Variants in STAG1 observed in about 807,000 individuals in gnomAD.
The protein encoded by STAG1 is STAG1 cohesin complex component, also known as cohesin subunit SA-1.
A neutral mutation model predicts 170.9 loss-of-function variants in STAG1; 26 were observed. The ratio of observed to expected loss-of-function variants is 0.15; its 90% CI spans 0.11 to 0.21. The LOEUF is 0.21. STAG1 is among the 10% of genes least tolerant of loss of function. STAG1 has a pLI of 1.00. For missense variants in STAG1, 964 were observed against 1,509.5 expected (o/e 0.64, Z 5.99); for synonymous variants, 514 against 497.7 (o/e 1.03, Z -0.44).
chr3:136,473,102 T>C (rs1270997038), intron 11 of STAG1, among the ~76,000 whole-genome samples: 1 of 152,148 alleles, frequency 6.6e-6, no homozygotes, highest in East Asian at 1.9e-4. Context: ...TGAACCCTAC[T>C]GTGAACTGCG....
intron 1 of STAG1, among the ~76,000 whole-genome samples, chr3:136,713,507 C>T (rs755134820): frequency 3.3e-5 from 5 of 151,066 alleles, no homozygotes; most frequent in Non-Finnish European, 5.9e-5. Context: ...CGCTTGAATC[C>T]GGGAGGTGGA....
intron 22 of STAG1, among the ~76,000 whole-genome samples, chr3:136,397,093 T>C (rs1346720297): frequency 1.3e-5 from 2 of 152,354 alleles, no homozygotes; most frequent in African/African-American, 2.4e-5. Context: ...GCATTACTCA[T>C]CTTTACTGGT....
chr3:136,395,438 C>G (rs1490800915), intron 22 of STAG1, among the ~76,000 whole-genome samples: 1 of 152,018 alleles, frequency 6.6e-6, no homozygotes, highest in Admixed American at 6.6e-5. Context: ...GCCTGGCCAA[C>G]GTGGTGAAAC....
chr3:136,689,394 T>C (rs1186141147), intron 1 of STAG1, among the ~76,000 whole-genome samples: 4 of 152,202 alleles, frequency 2.6e-5, no homozygotes, highest in African/African-American at 4.8e-5. Flanking sequence ...TTGGCAGGTT[T>C]TTCTTTGTTT....
intron 1 of STAG1, among the ~76,000 whole-genome samples, chr3:136,655,666 G>A (rs1225940717): frequency 2.6e-5 from 4 of 152,110 alleles, no homozygotes; most frequent in African/African-American, 9.7e-5. Flanking sequence ...AGGAGGCTGA[G>A]GCAGGAGAAT....
chr3:136,500,227 A>G lies in STAG1; in HGVS notation c.898T>C (p.Tyr300His). 1 of 1,545,356 alleles carries G rather than the reference A, an allele frequency of 6.5e-7. No homozygotes were observed. Among genetic ancestry groups the G allele is most frequent in the Non-Finnish European group, 8.9e-7 (1 of 1,129,266 alleles). The change falls in exon 9 of 34, where the codon TAC (tyrosine) becomes CAC (histidine). Residue 300 changes from tyrosine to histidine, a missense_variant. Tyr to His is a moderately conservative substitution (Grantham distance 83). This residue lies in a region of STAG1 where 57 missense variants were observed against 157.6 expected (regional missense o/e 0.36). Coordinates refer to ENST00000383202, the MANE Select transcript of STAG1 (RefSeq NM_005862.3). ...SIFKGIFVHR[Y>H]RDAIAEIRAI... Reference sequence around the variant, plus strand: ...ATTATTTTTAAAATCTCTTACCGGTATCTATGAACAAATATACCCTTAAAA... The same window carrying G: ...ATTATTTTTAAAATCTCTTACCGGTGTCTATGAACAAATATACCCTTAAAA...
chr3:136,449,900 C>CT (rs34077581), intron 14 of STAG1, among the ~76,000 whole-genome samples: 30,184 of 126,512 alleles, frequency 0.24, 4,537 homozygotes, highest in African/African-American at 0.43. Context: ...ACTATTGTTG[C>CT]TTTTTTTTTT....
intron 4 of STAG1, among the ~76,000 whole-genome samples, chr3:136,590,434 A>C (rs933575284): frequency 1.3e-5 from 2 of 151,130 alleles, no homozygotes; most frequent in Non-Finnish European, 1.5e-5. Flanking sequence ...CAGAGGTTGC[A>C]GTGAGCTGAG....
At chr3:136,467,774 G>C (rs532280825) in intron 12 of STAG1, among the ~76,000 whole-genome samples, 1 of 152,246 alleles carries the variant, frequency 6.6e-6, no homozygotes, top group East Asian at 1.9e-4. Context: ...GCACTCCTCA[G>C]CAAATGTAAA....
At chr3:136,684,123 A>T (rs1942431665) in intron 1 of STAG1, among the ~76,000 whole-genome samples, 2 of 152,228 alleles carry the variant, frequency 1.3e-5, no homozygotes, top group Admixed American at 1.3e-4. Context: ...TTATAGATTC[A>T]ACATAATCCC....
chr3:136,355,488 C>T (rs1231789475), intron 28 of STAG1, among the ~76,000 whole-genome samples: 2 of 151,378 alleles, frequency 1.3e-5, no homozygotes, highest in African/African-American at 4.8e-5. Flanking sequence ...CAATATCCCA[C>T]TTTCAATAAT....
At chr3:136,561,704 T>C (rs1217038046) in intron 5 of STAG1, among the ~76,000 whole-genome samples, 1 of 152,252 alleles carries the variant, frequency 6.6e-6, no homozygotes, top group Non-Finnish European at 1.5e-5. Flanking sequence ...ATGTGTTGGC[T>C]TGCATATCCA....
At chr3:136,511,142 G>A (rs1934045211) in intron 7 of STAG1, among the ~76,000 whole-genome samples, 1 of 152,170 alleles carries the variant, frequency 6.6e-6, no homozygotes, top group African/African-American at 2.4e-5. Context: ...GCTGCCCTGT[G>A]AAGAATGTGC....
At position 136,418,360 on chromosome 3, in the gene STAG1, CAAAAAAAAAAAAAAAAAAAAAA is replaced by C. The variant is rs767401141; in HGVS notation, c.2109-410_2109-389del. Among the ~76,000 whole-genome samples the C allele has an allele frequency of 6.3e-3, 311 of 49,708 alleles. 1 individual carries two copies. The highest frequency in any genetic ancestry group is 0.02 in the South Asian group (25 of 1,244). The allele number at this position is 49,708 out of a possible 152,430, so 32.6% of individuals were successfully genotyped here. A position where few individuals can be genotyped will look rare whatever the true frequency, so the allele number is the denominator to read the frequency against. ...GGGTAACTGAGCAAGACTCTGTCTC[CAAAAAAAAAAAAAAAAAAAAAA>C]AAAAAAAAAAAAAAAAAAGGTTTTT... On this transcript the variant is annotated intron_variant, in intron 20 of 33. Transcript: ENST00000383202.
intron 4 of STAG1, among the ~76,000 whole-genome samples, chr3:136,590,877 A>G (rs1938128729): frequency 1.3e-5 from 2 of 152,122 alleles, no homozygotes; most frequent in African/African-American, 2.4e-5. Context: ...ATGGACGTAA[A>G]TATTTCATTT....
In STAG1 at chr3:136,439,389, GACACACACACACACACACACAC is replaced by G. The variant is rs753912835; in HGVS notation, c.1546+3876_1546+3897del. Among the ~76,000 whole-genome samples, 246 of 95,868 alleles carry G rather than the reference GACACACACACACACACACACAC, an allele frequency of 2.6e-3. 2 individuals carry two copies. In the East Asian group the frequency reaches 0.032, roughly 12 times the overall value. 62.9% of individuals were successfully genotyped at this position (95,868 alleles called of 152,430 possible). The stretch of plus-strand genomic sequence containing the variant: ...TTGATTTTGCTGTAAAACACCCCCC[GACACACACACACACACACACAC>G]ACACACACACACACACACACACACA... On this transcript the variant is annotated intron_variant, in intron 15 of 33. Coordinates refer to ENST00000383202, the MANE Select transcript of STAG1 (RefSeq NM_005862.3).
chr3:136,637,622 C>T (rs9845762), intron 1 of STAG1, among the ~76,000 whole-genome samples: 107,116 of 152,018 alleles, frequency 0.7, 37,828 homozygotes, highest in East Asian at 0.86. Context: ...CCTGAGTTCT[C>T]ATACCACGTA....
At chr3:136,737,175 G>C (rs1934389778) in intron 1 of STAG1, 11 of 746,896 alleles carry the variant, frequency 1.5e-5, no homozygotes, top group South Asian at 1.3e-4. Flanking sequence ...ACTGTAGAAG[G>C]TCATAAATGC....
At chr3:136,560,007 A>T (rs1936777224) in intron 5 of STAG1, among the ~76,000 whole-genome samples, 1 of 152,200 alleles carries the variant, frequency 6.6e-6, no homozygotes, top group Admixed American at 6.5e-5. Context: ...CTTCCTGAAA[A>T]GAATGTTAGG....
Sources: allele counts gnomAD v4.1 joint callset (sites outside exome capture counted in the v4.1 genomes callset), GRCh38; gene constraint gnomAD v4.1.1; regional missense constraint gnomAD v4.1.1; transcripts MANE v1.5; gene names NCBI Gene and HGNC (gene_info 2026-07-23, HGNC 2026-07-21).